The following LPP variants were observed in gnomAD, a reference collection of about 807,000 sequenced individuals.
The protein encoded by LPP is lipoma-preferred partner.
In LPP, 38 loss-of-function variants were observed where a neutral mutation model predicts 60.4. The ratio of observed to expected loss-of-function variants is 0.63; its 90% confidence interval spans 0.49 to 0.83. LPP has a LOEUF of 0.83. Among genes scored for constraint, LPP ranks in the 40% least tolerant of loss-of-function variants. The pLI is 0.00. For synonymous variants in LPP, 328 were observed against 290.8 expected, an observed-to-expected ratio of 1.13 and a Z score of -1.30; for missense variants, 902 against 783.6, an observed-to-expected ratio of 1.15 and a Z score of -1.80.
chr3:188,817,481 A>T (rs1752774909), intron 9 of LPP, among the ~76,000 whole-genome samples: 1 of 152,218 alleles, frequency 6.6e-6, no homozygotes, highest in Admixed American at 6.5e-5. Context: ...ACACAAATGG[A>T]TATAACAAAC....
chr3:188,559,151 C>A (rs983474295), intron 6 of LPP, among the ~76,000 whole-genome samples: 1 of 152,032 alleles, frequency 6.6e-6, no homozygotes, highest in East Asian at 1.9e-4. Flanking sequence ...GTGGCTCTTG[C>A]AGCCAAGCAT....
chr3:188,760,663 T>C (rs1732000174), intron 9 of LPP, among the ~76,000 whole-genome samples: 1 of 152,180 alleles, frequency 6.6e-6, no homozygotes, highest in Non-Finnish European at 1.5e-5. Flanking sequence ...GATCTCACCC[T>C]ACATTTGAAG....
chr3:188,741,239 G>T (rs1447223783), intron 8 of LPP, among the ~76,000 whole-genome samples: 1 of 149,942 alleles, frequency 6.7e-6, no homozygotes, highest in Non-Finnish European at 1.5e-5. Context: ...AGTTTCCTTT[G>T]AATTGGGGGG....
intron 4 of LPP, among the ~76,000 whole-genome samples, chr3:188,470,281 TACACACACA>T (rs1801487153): frequency 3.2e-5 from 4 of 126,774 alleles, no homozygotes; most frequent in Non-Finnish European, 6.7e-5. Context: ...CTCTCTCTCA[TACACACACA>T]CACACACACA....
intron 1 of LPP, among the ~76,000 whole-genome samples, chr3:188,207,266 C>T (rs913017788): frequency 6.2e-5 from 9 of 144,398 alleles, no homozygotes; most frequent in Admixed American, 3.5e-4. Flanking sequence ...GACTCTTGCC[C>T]TGTTGTCCAG....
rs1250941110 is a variant in LPP, at chr3:188,402,201, G to C, written c.-9-3911G>C. ...TTATTAAATATCCTAGACAGTAGAG[G>C]AGGTTGGAGAAAACTCCCCTATCAA... On this transcript the variant is annotated intron_variant, in intron 3 of 11. Transcript: ENST00000617246. 1.8e-4 allele frequency among the ~76,000 whole-genome samples: 27 copies of C among 152,080 alleles called. 1 individual carries two copies. Among genetic ancestry groups the C allele is most frequent in the Non-Finnish European group, 2.8e-4 (19 of 68,000 alleles).
intron 7 of LPP, among the ~76,000 whole-genome samples, chr3:188,680,493 AACTT>A (rs1350516435): frequency 6.6e-6 from 1 of 152,240 alleles, no homozygotes; most frequent in Admixed American, 6.5e-5. Flanking sequence ...CAAAAAGCAT[AACTT>A]ACTTCTCTAA....
chr3:188,289,024 AAATTGATGC>A (rs1273184301), intron 2 of LPP, among the ~76,000 whole-genome samples: 2 of 152,112 alleles, frequency 1.3e-5, no homozygotes, highest in Non-Finnish European at 2.9e-5. Context: ...AAATAACATT[AAATTGATGC>A]CTTTTAGTGG....
In LPP at chr3:188,368,717, C is replaced by CAGAG. The variant is rs1560306669; in HGVS notation, c.-10+26999_-10+27000insGAGA. 3.4e-3 allele frequency among the ~76,000 whole-genome samples: 363 copies of CAGAG among 105,564 alleles called. 7 individuals are homozygous for CAGAG. The highest frequency in any genetic ancestry group is 0.011 in the African/African-American group (358 of 32,762). The allele number at this position is 105,564 out of a possible 152,430, so 69.3% of individuals were successfully genotyped here. ...ACACACACACACACACACACACACACACAGAGAGAGAGAGAGAGAGAGAGA... is the reference window on the plus strand; with the variant it reads ...ACACACACACACACACACACACACACAGAGACAGAGAGAGAGAGAGAGAGAGAGA... On this transcript the variant is annotated intron_variant, in intron 3 of 11. Transcript: ENST00000617246.
intron 7 of LPP, among the ~76,000 whole-genome samples, chr3:188,696,293 A>C (rs1461956974): frequency 6.6e-6 from 1 of 152,144 alleles, no homozygotes. Context: ...ATATTTATAC[A>C]TCATAGTATA....
At chr3:188,725,909 A>T (rs1718208869) in intron 8 of LPP, among the ~76,000 whole-genome samples, 1 of 152,200 alleles carries the variant, frequency 6.6e-6, no homozygotes, top group Non-Finnish European at 1.5e-5. Flanking sequence ...GGCATTTCAG[A>T]CAAACAATTC....
Position 188,273,551 on chromosome 3 carries a change from C to T in LPP, c.-67+48024C>T, listed in dbSNP as rs185569451. ...GTTCTCTGATACTTTTGTACTTTTG[C>T]CAGGTGATAAGTCCACCTTGACTTG... On this transcript the variant is annotated intron_variant, in intron 2 of 11. Transcript: ENST00000617246. Among the ~76,000 whole-genome samples, 1,193 of 149,994 alleles carry T rather than the reference C, an allele frequency of 8.0e-3. 31 individuals are homozygous for T. The East Asian group carries it at 0.089, about 11-fold the overall frequency.
intron 3 of LPP, among the ~76,000 whole-genome samples, chr3:188,379,630 T>C (rs182665223): frequency 6.6e-6 from 1 of 152,218 alleles, no homozygotes; most frequent in Admixed American, 6.5e-5. Context: ...ATCTGTGAAG[T>C]TGCCCATTCT....
intron 6 of LPP, among the ~76,000 whole-genome samples, chr3:188,540,302 C>A (rs1192979117): frequency 6.6e-6 from 1 of 152,024 alleles, no homozygotes; most frequent in Non-Finnish European, 1.5e-5. Context: ...ATATTTCTTT[C>A]TTTGCTTTTG....
At chr3:188,288,593 CAT>C (rs1491509795) in intron 2 of LPP, among the ~76,000 whole-genome samples, 10 of 151,076 alleles carry the variant, frequency 6.6e-5, no homozygotes, top group South Asian at 2.1e-4. Context: ...CACACACACA[CAT>C]ACACACAGAT....
intron 8 of LPP, among the ~76,000 whole-genome samples, chr3:188,741,247 G>C (rs546371001): frequency 6.6e-6 from 1 of 151,410 alleles, no homozygotes; most frequent in Non-Finnish European, 1.5e-5. Context: ...TTGAATTGGG[G>C]GGGGAAGGGA....
chr3:188,698,956 G>A (rs1032803957), intron 7 of LPP, among the ~76,000 whole-genome samples: 40 of 152,314 alleles, frequency 2.6e-4, no homozygotes, highest in African/African-American at 9.1e-4. Context: ...TGGAAAAGTG[G>A]AGAGTTACTG....
At chr3:188,261,328 C>T (rs1198880117) in intron 2 of LPP, among the ~76,000 whole-genome samples, 1 of 151,182 alleles carries the variant, frequency 6.6e-6, no homozygotes, top group Non-Finnish European at 1.5e-5. Context: ...TGGAAAATAC[C>T]TTTTTTAGAG....
At chr3:188,353,002 A>C (rs114568246) in intron 3 of LPP, among the ~76,000 whole-genome samples, 1,957 of 152,292 alleles carry the variant, frequency 0.013, 36 homozygotes, top group African/African-American at 0.045. Flanking sequence ...ATAGATAATC[A>C]TAATGCCATG....
Sources: allele counts gnomAD v4.1 joint callset (sites outside exome capture counted in the v4.1 genomes callset), GRCh38; gene constraint gnomAD v4.1.1; transcripts MANE v1.5; gene names NCBI Gene and HGNC (gene_info 2026-07-23, HGNC 2026-07-21).